Variants in GATA4 observed in about 807,000 individuals in gnomAD.
GATA4 encodes the protein transcription factor GATA-4.
A neutral mutation model predicts 37.9 loss-of-function variants in GATA4; 7 were observed. That is an observed-to-expected ratio of 0.18 (90% CI 0.11 to 0.35). The LOEUF (loss-of-function observed/expected upper bound fraction) is 0.35. Among genes scored for constraint, GATA4 ranks in the 10% least tolerant of loss-of-function variants. GATA4 has a pLI of 1.00. For synonymous variants in GATA4, 372 were observed against 292.6 expected, an observed-to-expected ratio of 1.27 and a Z score of -2.77; for missense variants, 647 against 653.0, an observed-to-expected ratio of 0.99 and a Z score of 0.10.
chr8:11,758,533 G>C lies in GATA4; in HGVS notation c.*58G>C. The stretch of plus-strand genomic sequence containing the variant: ...GACCTGGGACTTGGAGGATAGCAAA[G>C]AAGGAGGCCCTGGGCTCCCAGGGGC... On this transcript the variant is annotated 3_prime_UTR_variant, in exon 7 of 7. Coordinates refer to ENST00000532059, the MANE Select transcript of GATA4 (RefSeq NM_001308093.3). 1.3e-6 allele frequency: 2 copies of C among 1,583,252 alleles called. No homozygotes were observed. The highest frequency in any genetic ancestry group is 4.5e-5 in the East Asian group (2 of 44,708).
At chr8:11,737,771 T>C (rs2130245032) in intron 2 of GATA4, among the ~76,000 whole-genome samples, 1 of 152,308 alleles carries the variant, frequency 6.6e-6, no homozygotes, top group Admixed American at 6.5e-5. Context: ...GGAGAAAAGA[T>C]GCTTTTATGG....
chr8:11,727,353 G>C (rs192488103), intron 2 of GATA4, among the ~76,000 whole-genome samples: 3 of 152,194 alleles, frequency 2.0e-5, no homozygotes, highest in Non-Finnish European at 2.9e-5. Flanking sequence ...CTGCTGGGAA[G>C]GGGGGAGAGC....
At chr8:11,753,870 G>A (rs1426095428) in intron 4 of GATA4, among the ~76,000 whole-genome samples, 3 of 152,206 alleles carry the variant, frequency 2.0e-5, no homozygotes, top group Non-Finnish European at 2.9e-5. Flanking sequence ...CATAGAAAAG[G>A]GGCTAAAAGA....
chr8:11,759,385 G>C lies in GATA4; in HGVS notation c.*910G>C, dbSNP rs1241746363. Reference sequence around the variant, plus strand: ...AGCCCAGCCTCGAGGTCCTTCTGGGGAGAGTGTAAGTGGACAGAGTCCTGG... The same window carrying C: ...AGCCCAGCCTCGAGGTCCTTCTGGGCAGAGTGTAAGTGGACAGAGTCCTGG... On this transcript the variant is annotated 3_prime_UTR_variant, in exon 7 of 7. Transcript: ENST00000532059. 6.5e-6 allele frequency: 1 copy of C among 152,906 alleles called. No individual in the cohort carries two copies. Among genetic ancestry groups the C allele is most frequent in the Admixed American group, 6.5e-5 (1 of 15,302 alleles). The allele number at this position is 152,906 out of a possible 1,614,324, so 9.5% of individuals were successfully genotyped here.
At position 11,758,710 on chromosome 8, in the gene GATA4, C is replaced by A; in HGVS notation, c.*235C>A. 2 of 577,446 alleles carry A rather than the reference C, an allele frequency of 3.5e-6. No individual in the cohort carries two copies. The highest frequency in any genetic ancestry group is 3.1e-6 in the Non-Finnish European group (1 of 320,878). The allele number at this position is 577,446 out of a possible 1,614,324, so 35.8% of individuals were successfully genotyped here. A position where few individuals can be genotyped will look rare whatever the true frequency, so the allele number is the denominator to read the frequency against. The stretch of plus-strand genomic sequence containing the variant: ...GAGCCCACCCTTCAGCACGAGCACA[C>A]TGCATCTCTCCTGTGAGTTGGAGAC... On this transcript the variant is annotated 3_prime_UTR_variant, in exon 7 of 7. Transcript: ENST00000532059.
chr8:11,739,630 G>A (rs980990844), intron 2 of GATA4, among the ~76,000 whole-genome samples: 1 of 151,462 alleles, frequency 6.6e-6, no homozygotes, highest in African/African-American at 2.4e-5. Context: ...CCAGCTGGCC[G>A]GAAGCCGAGC....
At chr8:11,692,845 C>G in intron 1 of GATA4, 2 of 981,562 alleles carry the variant, frequency 2.0e-6, no homozygotes, top group Non-Finnish European at 2.4e-6. Context: ...GGCGGCCGGC[C>G]GGGGGCTGAC....
intron 1 of GATA4, among the ~76,000 whole-genome samples, chr8:11,696,937 G>A (rs927299376): frequency 4.6e-5 from 7 of 152,236 alleles, no homozygotes; most frequent in Non-Finnish European, 8.8e-5. Flanking sequence ...CTGGGCATCT[G>A]CAGAGACTTC....
intron 1 of GATA4, chr8:11,681,070 A>G (rs1384248828): frequency 1.1e-6 from 1 of 950,902 alleles, no homozygotes; most frequent in Admixed American, 6.2e-5. Flanking sequence ...CCGGATTTGG[A>G]GGGACATTGA....
chr8:11,709,584 G>C lies in GATA4; in HGVS notation c.616+656G>C, dbSNP rs1056052283. On this transcript the variant is annotated intron_variant, in intron 2 of 6. Coordinates refer to ENST00000532059, the MANE Select transcript of GATA4 (RefSeq NM_001308093.3). The surrounding 1 kb of genome is among the most constrained non-coding windows in gnomAD (Gnocchi z 4.3). ...CGCATCATGCGGGCAGCGGGGGGGG[G>C]GGCGCACACGCCCGGTCAGTGTCCG... Among the ~76,000 whole-genome samples the C allele has an allele frequency of 3.9e-5, 6 of 151,978 alleles. No homozygotes were observed. Among genetic ancestry groups the C allele is most frequent in the South Asian group, 2.1e-4 (1 of 4,800 alleles).
upstream of GATA4, among the ~76,000 whole-genome samples, chr8:11,691,848 A>G (rs4576391): frequency 5.3e-5 from 8 of 151,980 alleles, no homozygotes; most frequent in African/African-American, 1.7e-4. Context: ...CCAGTACTTA[A>G]GGCACATCTA....
intron 4 of GATA4, among the ~76,000 whole-genome samples, chr8:11,750,970 A>T (rs957015278): frequency 2.0e-5 from 3 of 151,996 alleles, no homozygotes; most frequent in Non-Finnish European, 4.4e-5. Flanking sequence ...ATATTAGATA[A>T]TAAAATACTG....
At chr8:11,746,678 C>T (rs1233185404) in intron 2 of GATA4, among the ~76,000 whole-genome samples, 3 of 152,222 alleles carry the variant, frequency 2.0e-5, no homozygotes, top group African/African-American at 7.2e-5. Context: ...CCCATAGGCA[C>T]GGACTGTAGA....
chr8:11,708,200 G>A lies in GATA4; in HGVS notation c.-113G>A, dbSNP rs1296684694. 19 of 1,218,406 alleles carry A rather than the reference G, an allele frequency of 1.6e-5. No homozygotes were observed. In the East Asian group the frequency reaches 3.1e-4, roughly 20 times the overall value. 75.5% of individuals were successfully genotyped at this position (1,218,406 alleles called of 1,614,324 possible). ...TTTTCCCCTTTGATTTTTGATCTTC[G>A]CGACAGTTCCTCCCACGCATATTAT... On this transcript the variant is annotated 5_prime_UTR_variant, in exon 2 of 7. Coordinates refer to ENST00000532059, the MANE Select transcript of GATA4 (RefSeq NM_001308093.3). This position sits in a 1 kb window ranked among gnomAD's most constrained non-coding sequence, Gnocchi z 6.7.
At chr8:11,720,379 G>A (rs185366712) in intron 2 of GATA4, among the ~76,000 whole-genome samples, 88 of 152,174 alleles carry the variant, frequency 5.8e-4, no homozygotes, top group Admixed American at 3.5e-3. Flanking sequence ...TGTCAGGTAG[G>A]TTTCCACGGC....
At chr8:11,743,842 C>T (rs897921226) in intron 2 of GATA4, among the ~76,000 whole-genome samples, 1 of 152,184 alleles carries the variant, frequency 6.6e-6, no homozygotes, top group Non-Finnish European at 1.5e-5. Context: ...CCATACTGCA[C>T]CGGCTCGCTG....
intron 2 of GATA4, among the ~76,000 whole-genome samples, chr8:11,717,768 T>C (rs1800499951): frequency 6.6e-6 from 1 of 152,238 alleles, no homozygotes; most frequent in South Asian, 2.1e-4. Flanking sequence ...CTAGGAGCAA[T>C]GTCGTCCTAC....
chr8:11,698,021 T>C, intron 1 of GATA4: 1 of 985,290 alleles, frequency 1.0e-6, no homozygotes, highest in Non-Finnish European at 1.2e-6. Context: ...AGAGGAGCCC[T>C]GGACTCTGGG....
intron 1 of GATA4, chr8:11,680,430 C>G (rs1334719987): frequency 1.0e-6 from 1 of 971,702 alleles, no homozygotes; most frequent in African/African-American, 1.8e-5. Flanking sequence ...GAGGAGCTCC[C>G]TCTCATCGCC....
Sources: gnomAD v4.1 joint callset for allele counts (sites outside exome capture counted in the v4.1 genomes callset) on GRCh38, gnomAD v4.1.1 for gene constraint, Gnocchi (gnomAD v3.1) non-coding constraint, MANE v1.5 for transcripts, NCBI Gene and HGNC (gene_info 2026-07-23, HGNC 2026-07-21) for gene names.